C11orf65: variants seen among roughly 807,000 people sequenced by gnomAD.
The protein encoded by C11orf65 is chromosome 11 open reading frame 65, also known as protein MFI.
In C11orf65, 38 loss-of-function variants were observed where a neutral mutation model predicts 35.3. The observed-to-expected ratio is 1.08, with a 90% CI of 0.83 to 1.41. The LOEUF is 1.41. Ranked by LOEUF, C11orf65 falls within the 40% of genes most tolerant of loss-of-function variation. The pLI is 0.00. For missense variants in C11orf65, 370 were observed against 367.1 expected, an observed-to-expected ratio of 1.01 and a Z score of -0.06; for synonymous variants, 105 against 114.4, an observed-to-expected ratio of 0.92 and a Z score of 0.53.
At chr11:108,449,018 T>C (rs1213825609) in intron 2 of C11orf65, among the ~76,000 whole-genome samples, 5 of 152,080 alleles carry the variant, frequency 3.3e-5, no homozygotes, top group South Asian at 2.1e-4. Context: ...AAATCATGAG[T>C]GAACTCCCAT....
chr11:108,332,649 T>C lies in C11orf65; in HGVS notation c.300-1082A>G, dbSNP rs1359348596. The C allele has an allele frequency of 2.6e-6, 3 of 1,143,434 alleles. No homozygotes were observed. In the African/African-American group the frequency reaches 4.7e-5, roughly 18 times the overall value. 70.8% of individuals were successfully genotyped at this position (1,143,434 alleles called of 1,614,324 possible). A position where few individuals can be genotyped will look rare whatever the true frequency, so the allele number is the denominator to read the frequency against. On this transcript the variant is annotated intron_variant, in intron 3 of 3. Transcript: ENST00000524755. Reference sequence around the variant, plus strand: ...GTTTGTATCTGAGGAATTATAATCATTCCATTGTCTAGATTTGTGCATAAA... The same window carrying C: ...GTTTGTATCTGAGGAATTATAATCACTCCATTGTCTAGATTTGTGCATAAA...
intron 5 of C11orf65, among the ~76,000 whole-genome samples, chr11:108,406,470 A>G (rs2092543033): frequency 6.6e-6 from 1 of 152,176 alleles, no homozygotes; most frequent in South Asian, 2.1e-4. Flanking sequence ...TCAACATACC[A>G]AATTCTACAA....
chr11:108,436,160 G>C (rs2093057233), intron 2 of C11orf65, among the ~76,000 whole-genome samples: 1 of 152,062 alleles, frequency 6.6e-6, no homozygotes. Flanking sequence ...AGCCAAGGAT[G>C]CGGGCAACTT....
At chr11:108,358,228 G>C (rs1162239328) in intron 2 of C11orf65, among the ~76,000 whole-genome samples, 1 of 151,274 alleles carries the variant, frequency 6.6e-6, no homozygotes, top group Non-Finnish European at 1.5e-5. Flanking sequence ...AATGAAGCGA[G>C]AAGGGAAGTT....
intron 2 of C11orf65, among the ~76,000 whole-genome samples, chr11:108,357,490 C>T (rs540086674): frequency 0.012 from 1,879 of 152,334 alleles, 47 homozygotes; most frequent in African/African-American, 0.042. Context: ...CCTCTGGGGG[C>T]AGGGCACAGA....
chr11:108,441,627 C>T (rs114675521), intron 2 of C11orf65, among the ~76,000 whole-genome samples: 1,898 of 152,286 alleles, frequency 0.012, 49 homozygotes, highest in African/African-American at 0.042. Flanking sequence ...ACAAAGCTTC[C>T]GGAGGAAGGA....
At chr11:108,440,362 T>C (rs779121863) in intron 2 of C11orf65, among the ~76,000 whole-genome samples, 2 of 152,210 alleles carry the variant, frequency 1.3e-5, no homozygotes, top group Non-Finnish European at 2.9e-5. Context: ...GGAAGTCTTG[T>C]CTCATCTCCA....
At chr11:108,381,467 G>A (rs1300468602), downstream of C11orf65, among the ~76,000 whole-genome samples, 1 of 152,116 alleles carries the variant, frequency 6.6e-6, no homozygotes, top group Non-Finnish European at 1.5e-5. Flanking sequence ...TCCACTAGTA[G>A]GAAAATTCTG....
At chr11:108,452,978 C>T (rs1372150927) in intron 2 of C11orf65, among the ~76,000 whole-genome samples, 1 of 124,656 alleles carries the variant, frequency 8.0e-6, no homozygotes, top group African/African-American at 3.2e-5. Context: ...GGGTGGGGAA[C>T]ATCACACACC....
At chr11:108,383,881 T>C (rs971942800) in intron 8 of C11orf65, among the ~76,000 whole-genome samples, 2 of 151,388 alleles carry the variant, frequency 1.3e-5, no homozygotes, top group African/African-American at 4.8e-5. Context: ...TTTTTTTTTT[T>C]TTTTTTTGAG....
intron 2 of C11orf65, among the ~76,000 whole-genome samples, chr11:108,339,360 T>C (rs542574940): frequency 6.6e-6 from 1 of 152,328 alleles, no homozygotes; most frequent in East Asian, 1.9e-4. Context: ...TTATTCCTTG[T>C]CATGCATATT....
intron 2 of C11orf65, chr11:108,335,975 CT>C: frequency 6.3e-7 from 1 of 1,577,618 alleles, no homozygotes; most frequent in Non-Finnish European, 8.7e-7. Flanking sequence ...ACTATTTGTA[CT>C]TCTGTTAGTT....
intron 2 of C11orf65, chr11:108,354,734 T>A (rs150515345): frequency 8.2e-7 from 1 of 1,223,880 alleles, no homozygotes; most frequent in Middle Eastern, 2.0e-4. Flanking sequence ...ATACTACACA[T>A]GAGAGTATAC....
chr11:108,357,226 G>C (rs958663268), intron 2 of C11orf65, among the ~76,000 whole-genome samples: 2 of 151,642 alleles, frequency 1.3e-5, no homozygotes, highest in African/African-American at 4.8e-5. Context: ...CGAATATTGC[G>C]CTTTTTGGAC....
At chr11:108,459,726 T>TACGCGCAC (rs915851145) in intron 2 of C11orf65, among the ~76,000 whole-genome samples, 1 of 138,570 alleles carries the variant, frequency 7.2e-6, no homozygotes, top group African/African-American at 2.7e-5. Flanking sequence ...GTCCTCCGTC[T>TACGCGCAC]ACACACACAC....
rs760632739 is a variant in C11orf65, at chr11:108,465,484, A to AG, written c.-10+1986dup. Among the ~76,000 whole-genome samples, 71 of 152,310 alleles carry AG rather than the reference A, an allele frequency of 4.7e-4. 1 individual carries two copies. The Middle Eastern group carries it at 0.01, about 22-fold the overall frequency. ...TTGTTGCAAGGGCAAGTAAATACAG[A>AG]GGAAAAAAAGGGAGATTTGGCCAGA... On this transcript the variant is annotated intron_variant, in intron 1 of 8. Transcript: ENST00000393084.
intron 2 of C11orf65, among the ~76,000 whole-genome samples, chr11:108,453,753 G>A (rs1283284331): frequency 1.3e-5 from 2 of 152,138 alleles, no homozygotes; most frequent in Admixed American, 6.6e-5. Context: ...TGCACACAAA[G>A]GATAAATCTC....
intron 6 of C11orf65, among the ~76,000 whole-genome samples, chr11:108,310,670 G>T (rs2136029086): frequency 6.6e-6 from 1 of 152,066 alleles, no homozygotes; most frequent in South Asian, 2.1e-4. Context: ...CCTAACTTCA[G>T]TCAGATTAGA....
At chr11:108,439,859 TG>T (rs1565698368) in intron 2 of C11orf65, among the ~76,000 whole-genome samples, 1 of 152,088 alleles carries the variant, frequency 6.6e-6, no homozygotes, top group South Asian at 2.1e-4. Flanking sequence ...TTTGGGATGA[TG>T]AAAAAGCTGT....
Sources: allele counts gnomAD v4.1 joint callset (sites outside exome capture counted in the v4.1 genomes callset), GRCh38; gene constraint gnomAD v4.1.1; transcripts MANE v1.5; gene names NCBI Gene and HGNC (gene_info 2026-07-23, HGNC 2026-07-21).